The following LPAR3 variants were observed in gnomAD, a reference collection of about 807,000 sequenced individuals.
The protein encoded by LPAR3 is LPA receptor 3.
Under a neutral mutation model 17.8 loss-of-function variants are expected in LPAR3, and 7 were observed. The observed-to-expected ratio is 0.39, with a 90% CI of 0.22 to 0.74. The LOEUF (loss-of-function observed/expected upper bound fraction) is 0.74. Among genes scored for constraint, LPAR3 ranks in the 30% least tolerant of loss-of-function variants. The pLI is 0.40. For synonymous variants in LPAR3, 179 were observed against 179.9 expected, an observed-to-expected ratio of 0.99 and a Z score of 0.04; for missense variants, 391 against 453.4, an observed-to-expected ratio of 0.86 and a Z score of 1.25.
At chr1:84,830,298 T>G (rs566450119) in intron 2 of LPAR3, among the ~76,000 whole-genome samples, 1 of 152,220 alleles carries the variant, frequency 6.6e-6, no homozygotes, top group African/African-American at 2.4e-5. Flanking sequence ...CCATTCCAGT[T>G]AATTAGATAC....
chr1:84,881,992 G>T (rs1364688550), intron 1 of LPAR3, among the ~76,000 whole-genome samples: 1 of 152,082 alleles, frequency 6.6e-6, no homozygotes, highest in South Asian at 2.1e-4. Flanking sequence ...CAGCAATTAG[G>T]CAAGAAAAAT....
At position 84,889,540 on chromosome 1, in the gene LPAR3, G is replaced by T. The variant is rs77495557; in HGVS notation, c.-19+3476C>A. On this transcript the variant is annotated intron_variant, in intron 1 of 2. Coordinates refer to ENST00000370611, the MANE Select transcript of LPAR3 (RefSeq NM_012152.3). ...GAAATTAAAGCTTCTTTGGAACTTT[G>T]CCCTATGCCTTCGATCATGTAGTGT... Among the ~76,000 whole-genome samples, 1,007 of 152,300 alleles carry T rather than the reference G, an allele frequency of 6.6e-3. 11 individuals are homozygous for T. Among genetic ancestry groups the T allele is most frequent in the African/African-American group, 0.022 (925 of 41,532 alleles).
Position 84,851,861 on chromosome 1 carries a change from G to A in LPAR3, c.736+13524C>T, listed in dbSNP as rs548009351. On this transcript the variant is annotated intron_variant, in intron 2 of 2. Transcript: ENST00000370611. Reference sequence around the variant, plus strand: ...GGGCTTTATCCAGTTTGGAAGAGTAGACAAGAAAAGATCAGAGCTAACTGT... The same window carrying A: ...GGGCTTTATCCAGTTTGGAAGAGTAAACAAGAAAAGATCAGAGCTAACTGT... Among the ~76,000 whole-genome samples, 76 of 152,270 alleles carry A rather than the reference G, an allele frequency of 5.0e-4. No individual in the cohort carries two copies. The South Asian group carries it at 0.015, about 30-fold the overall frequency.
chr1:84,817,261 T>TCACACACACACACA (rs71097861), intron 2 of LPAR3, among the ~76,000 whole-genome samples: 5,382 of 147,414 alleles, frequency 0.037, 131 homozygotes, highest in Middle Eastern at 0.11. Context: ...CCAGGATCTA[T>TCACACACACACACA]CACACACACA....
intron 1 of LPAR3, among the ~76,000 whole-genome samples, chr1:84,883,101 A>G (rs1301864511): frequency 6.6e-6 from 1 of 152,114 alleles, no homozygotes; most frequent in Non-Finnish European, 1.5e-5. Flanking sequence ...TTTTTTGTAA[A>G]AGGGAGATAA....
chr1:84,840,003 G>A (rs139733781), intron 2 of LPAR3, among the ~76,000 whole-genome samples: 25 of 152,282 alleles, frequency 1.6e-4, no homozygotes, highest in African/African-American at 5.5e-4. Flanking sequence ...GCTCACTGCA[G>A]CCTTGAACTC....
intron 1 of LPAR3, among the ~76,000 whole-genome samples, chr1:84,874,679 A>G (rs1660221398): frequency 6.6e-6 from 1 of 152,184 alleles, no homozygotes; most frequent in Admixed American, 6.5e-5. Flanking sequence ...TAAAATTTTA[A>G]TATTTGTCTA....
At position 84,874,114 on chromosome 1, in the gene LPAR3, G is replaced by A. The variant is rs17116839; in HGVS notation, c.-18-7976C>T. ...TGCTCTGATCTGGATCCTGTTTCAC[G>A]TATCAACAAAGTCTCCATAATACTG... On this transcript the variant is annotated intron_variant, in intron 1 of 2. Coordinates refer to ENST00000370611, the MANE Select transcript of LPAR3 (RefSeq NM_012152.3). 1.8e-3 allele frequency among the ~76,000 whole-genome samples: 267 copies of A among 152,230 alleles called. 1 individual carries two copies. The highest frequency in any genetic ancestry group is 0.017 in the South Asian group (82 of 4,806).
chr1:84,830,256 A>G (rs1399994580), intron 2 of LPAR3, among the ~76,000 whole-genome samples: 1 of 152,132 alleles, frequency 6.6e-6, no homozygotes, highest in Admixed American at 6.6e-5. Context: ...CTCCTTGGTA[A>G]TTATACTTCC....
At chr1:84,817,894 G>T (rs1400956385) in intron 2 of LPAR3, among the ~76,000 whole-genome samples, 9 of 152,104 alleles carry the variant, frequency 5.9e-5, no homozygotes, top group Non-Finnish European at 1.3e-4. Flanking sequence ...TACTACGGAG[G>T]GGCCCTTGAA....
chr1:84,841,406 G>A (rs1387911232), intron 2 of LPAR3, among the ~76,000 whole-genome samples: 1 of 152,134 alleles, frequency 6.6e-6, no homozygotes, highest in Non-Finnish European at 1.5e-5. Context: ...AGGCTGTGGA[G>A]TTTGTCCTTT....
chr1:84,822,592 C>A (rs1659078748), intron 2 of LPAR3, among the ~76,000 whole-genome samples: 1 of 152,112 alleles, frequency 6.6e-6, no homozygotes, highest in African/African-American at 2.4e-5. Context: ...TTACAAAATA[C>A]CTCAAATAGT....
In LPAR3 at chr1:84,813,231, C is replaced by G. The variant is rs1430803652; in HGVS notation, c.*615G>C. ...TGGAGGACCATACTAAGGCCTTTTT[C>G]AGGTCAAAAAGGGTTTTCACATTGA... is the stretch of plus-strand genomic sequence containing the variant. On this transcript the variant is annotated 3_prime_UTR_variant, in exon 3 of 3. Coordinates refer to ENST00000370611, the MANE Select transcript of LPAR3 (RefSeq NM_012152.3). The G allele has an allele frequency of 7.1e-6, 1 of 141,352 alleles. No individual in the cohort carries two copies. The highest frequency in any genetic ancestry group is 2.1e-4 in the East Asian group (1 of 4,848). The allele number at this position is 141,352 out of a possible 1,614,324, so 8.8% of individuals were successfully genotyped here. A position where few individuals can be genotyped will look rare whatever the true frequency, so the allele number is the denominator to read the frequency against.
intron 2 of LPAR3, among the ~76,000 whole-genome samples, chr1:84,860,709 G>C (rs994544678): frequency 6.6e-6 from 1 of 151,492 alleles, no homozygotes; most frequent in Non-Finnish European, 1.5e-5. Flanking sequence ...AAAAGAAGAG[G>C]GTTCGTAAGA....
Position 84,893,191 on chromosome 1 carries a change from C to T in LPAR3, c.-194G>A, listed in dbSNP as rs532116664. 6.6e-6 allele frequency: 1 copy of T among 152,236 alleles called. No homozygotes were observed. Among genetic ancestry groups the T allele is most frequent in the Non-Finnish European group, 1.5e-5 (1 of 67,994 alleles). The allele number at this position is 152,236 out of a possible 1,614,324, so 9.4% of individuals were successfully genotyped here. On this transcript the variant is annotated 5_prime_UTR_variant, in exon 1 of 3. Transcript: ENST00000370611. ...CTCCTCTCCAGCGACCCCTGCGACG[C>T]GTCCAGAGCCAAAGGAAAGTTTGGC...
At chr1:84,832,162 G>A (rs1659298181) in intron 2 of LPAR3, among the ~76,000 whole-genome samples, 1 of 152,030 alleles carries the variant, frequency 6.6e-6, no homozygotes, top group Admixed American at 6.6e-5. Context: ...CTGTACTGCC[G>A]ATCCACCATG....
intron 2 of LPAR3, among the ~76,000 whole-genome samples, chr1:84,833,752 A>G (rs1369244207): frequency 6.6e-6 from 1 of 152,190 alleles, no homozygotes; most frequent in Non-Finnish European, 1.5e-5. Flanking sequence ...AAGAACACCC[A>G]GCTGCAGGGG....
chr1:84,878,020 G>GAA (rs11435702), intron 1 of LPAR3, among the ~76,000 whole-genome samples: 39 of 146,910 alleles, frequency 2.7e-4, no homozygotes, highest in Non-Finnish European at 3.5e-4. Flanking sequence ...GGGTATTCTT[G>GAA]AAAAAAAAAA....
intron 2 of LPAR3, among the ~76,000 whole-genome samples, chr1:84,835,865 G>A (rs1400002942): frequency 6.6e-6 from 1 of 151,934 alleles, no homozygotes; most frequent in Non-Finnish European, 1.5e-5. Context: ...ATTATCAAAG[G>A]CCTTCTGGAC....
Sources: allele counts gnomAD v4.1 joint callset (sites outside exome capture counted in the v4.1 genomes callset), GRCh38; gene constraint gnomAD v4.1.1; transcripts MANE v1.5; gene names NCBI Gene and HGNC (gene_info 2026-07-23, HGNC 2026-07-21).